The following COLQ variants were observed in gnomAD, a reference collection of about 807,000 sequenced individuals.
COLQ encodes acetylcholinesterase collagenic tail peptide.
A neutral mutation model predicts 69.0 loss-of-function variants in COLQ; 48 were observed. That is an observed-to-expected ratio of 0.70 (90% confidence interval 0.55 to 0.88). COLQ has a LOEUF of 0.88. Among genes scored for constraint, COLQ ranks in the 40% least tolerant of loss-of-function variants. The pLI, the probability that COLQ is intolerant of heterozygous loss-of-function variation, is 0.00. For missense variants in COLQ, 618 were observed against 594.6 expected (o/e 1.04, Z -0.41); for synonymous variants, 217 against 211.2 (o/e 1.03, Z -0.24).
chr3:15,518,888 G>A (rs1423218572), intron 1 of COLQ, among the ~76,000 whole-genome samples: 2 of 152,128 alleles, frequency 1.3e-5, no homozygotes, highest in Non-Finnish European at 2.9e-5. Context: ...ATAATGCATA[G>A]AATGAAAAGA....
intron 11 of COLQ, among the ~76,000 whole-genome samples, chr3:15,469,884 G>A (rs1031475152): frequency 1.3e-5 from 2 of 152,266 alleles, no homozygotes; most frequent in African/African-American, 2.4e-5. Context: ...ATAGCCTAAG[G>A]AAATAAGTAA....
intron 14 of COLQ, among the ~76,000 whole-genome samples, chr3:15,456,224 G>A (rs1011435175): frequency 9.5e-5 from 14 of 147,512 alleles, no homozygotes; most frequent in East Asian, 1.9e-4. Flanking sequence ...AACCTGGCAC[G>A]CAGGGATGTG....
chr3:15,490,439 C>T (rs2062646406), intron 1 of COLQ, among the ~76,000 whole-genome samples: 1 of 152,242 alleles, frequency 6.6e-6, no homozygotes, highest in South Asian at 2.1e-4. Context: ...CCAATCTCTG[C>T]ACCCCTTCCC....
At chr3:15,451,792 G>T in intron 16 of COLQ, 79 bp from the exon 17 acceptor site, 1 of 1,249,406 alleles carries the variant, frequency 8.0e-7, no homozygotes, top group Non-Finnish European at 1.2e-6. Flanking sequence ...TCAAACAGCG[G>T]CCAAGGGCCA....
chr3:15,483,730 T>C (rs1465105733), intron 3 of COLQ, among the ~76,000 whole-genome samples: 1 of 152,210 alleles, frequency 6.6e-6, no homozygotes, highest in Non-Finnish European at 1.5e-5. Flanking sequence ...CTGTTAGGTC[T>C]GCTTGGTGCA....
At chr3:15,477,815 A>T (rs1369655237) in intron 5 of COLQ, among the ~76,000 whole-genome samples, 4 of 152,130 alleles carry the variant, frequency 2.6e-5, no homozygotes. Flanking sequence ...ACCTGATACC[A>T]CACCTTTGCC....
chr3:15,475,579 GA>G, intron 6 of COLQ, 92 bp from the exon 7 acceptor site: 1 of 1,244,786 alleles, frequency 8.0e-7, no homozygotes, highest in Non-Finnish European at 1.1e-6. Flanking sequence ...AGGAACTGGG[GA>G]TATCAGGGCT....
rs541346417 is a variant in COLQ, at chr3:15,477,294, T to A, written c.394-97A>T. On this transcript the variant is annotated intron_variant, in intron 5 of 16. Transcript: ENST00000383788. Reference sequence around the variant, plus strand: ...CTGGGGCCCAGAGGAGACAGTGGGTTCTCTAGGCATGGCTACTATGACCCT... The same window carrying A: ...CTGGGGCCCAGAGGAGACAGTGGGTACTCTAGGCATGGCTACTATGACCCT... 1.2e-5 allele frequency: 13 copies of A among 1,102,064 alleles called. No individual in the cohort carries two copies. The African/African-American group carries it at 1.9e-4, about 16-fold the overall frequency. 68.3% of individuals were successfully genotyped at this position (1,102,064 alleles called of 1,614,324 possible).
At chr3:15,520,686 G>T (rs1406416589) in intron 1 of COLQ, among the ~76,000 whole-genome samples, 1 of 152,174 alleles carries the variant, frequency 6.6e-6, no homozygotes, top group African/African-American at 2.4e-5. Context: ...CCTCAGAAAG[G>T]TTTAAATAGG....
rs193201729 is a variant in COLQ at position 15,463,440 on chromosome 3, G to A, written c.814+2901C>T. Among the ~76,000 whole-genome samples, 272 of 151,828 alleles carry A rather than the reference G, an allele frequency of 1.8e-3. 3 individuals are homozygous for A. Among genetic ancestry groups the A allele is most frequent in the African/African-American group, 6.2e-3 (256 of 41,418 alleles). ...TGGCTTACTGCAAGCTCCGCCTCCC[G>A]GGTTCATGCCATTCTCCTGCCTCAG... is the stretch of plus-strand genomic sequence containing the variant. On this transcript the variant is annotated intron_variant, in intron 12 of 16. Transcript: ENST00000383788.
rs938407283 is a variant in COLQ, at chr3:15,468,332, T to G, written c.718-1895A>C. On this transcript the variant is annotated intron_variant, in intron 11 of 16. Coordinates refer to ENST00000383788, the MANE Select transcript of COLQ (RefSeq NM_005677.4). ...TCTCAGTTACTGAAGTTTTTTTTTT[T>G]TTTTTTTTTTTTTTTTGAGAGACGG... 7.1e-5 allele frequency among the ~76,000 whole-genome samples: 10 copies of G among 140,814 alleles called. 1 individual carries two copies. The highest frequency in any genetic ancestry group is 1.8e-4 in the African/African-American group (7 of 38,116). The allele number at this position is 140,814 out of a possible 152,430, so 92.4% of individuals were successfully genotyped here.
chr3:15,468,279 T>C (rs2062229858), intron 11 of COLQ, among the ~76,000 whole-genome samples: 1 of 150,664 alleles, frequency 6.6e-6, no homozygotes, highest in Non-Finnish European at 1.5e-5. Context: ...TGCCACAAAG[T>C]TGGGTGATCT....
At chr3:15,455,667 G>A (rs1464957783) in intron 15 of COLQ, among the ~76,000 whole-genome samples, 2 of 152,238 alleles carry the variant, frequency 1.3e-5, no homozygotes, top group East Asian at 1.9e-4. Flanking sequence ...CTAACTGGGG[G>A]CAGGATCCTT....
In COLQ at chr3:15,451,630, TCTC is replaced by T. The variant is rs1213048725; in HGVS notation, c.*11_*13del. 3.1e-6 allele frequency: 5 copies of T among 1,613,754 alleles called. No individual in the cohort carries two copies. The highest frequency in any genetic ancestry group is 1.7e-5 in the Admixed American group (1 of 60,032). On this transcript the variant is annotated 3_prime_UTR_variant, in exon 17 of 17. Coordinates refer to ENST00000383788, the MANE Select transcript of COLQ (RefSeq NM_005677.4). ...CAGTTCTGTGGGGCGCAGCCCACCT[TCTC>T]CTCACGGCCCTCAGGTGAAGTAGCG...
Position 15,475,067 on chromosome 3 carries a change from G to C in COLQ, c.529-116C>G, listed in dbSNP as rs2062356722. On this transcript the variant is annotated intron_variant, in intron 7 of 16. Coordinates refer to ENST00000383788, the MANE Select transcript of COLQ (RefSeq NM_005677.4). Reference sequence around the variant, plus strand: ...AAGGTATGTCTCCACATTGCACTGTGAGTTTTAGTGGGGTTGCAGCACCAA... The same window carrying C: ...AAGGTATGTCTCCACATTGCACTGTCAGTTTTAGTGGGGTTGCAGCACCAA... The C allele has an allele frequency of 1.1e-5, 13 of 1,130,994 alleles. No homozygotes were observed. In the East Asian group the frequency reaches 3.1e-4, roughly 27 times the overall value. The allele number at this position is 1,130,994 out of a possible 1,614,324, so 70.1% of individuals were successfully genotyped here. A position where few individuals can be genotyped will look rare whatever the true frequency, so the allele number is the denominator to read the frequency against.
At chr3:15,489,753 G>T in intron 1 of COLQ, 116 bp from the exon 2 acceptor site, 2 of 870,656 alleles carry the variant, frequency 2.3e-6, no homozygotes, top group Non-Finnish European at 3.8e-6. Flanking sequence ...CTAATTTCTA[G>T]CCTGTTAGAT....
intron 3 of COLQ, among the ~76,000 whole-genome samples, chr3:15,480,859 T>C (rs1204988968): frequency 1.3e-5 from 2 of 152,354 alleles, no homozygotes; most frequent in East Asian, 1.9e-4. Context: ...TCCTGACTTT[T>C]TAATGATCGC....
In COLQ at chr3:15,473,071, G is replaced by T. The variant is rs1426952876; in HGVS notation, c.636+929C>A. On this transcript the variant is annotated intron_variant, in intron 10 of 16. Transcript: ENST00000383788. The surrounding 1 kb of genome is among the most constrained non-coding windows in gnomAD (Gnocchi z 4.0). ...GAGATAGTACTATATTGCCCAAGCT[G>T]AGTATTTTTTTCTTTAAGTTACCTG... Among the ~76,000 whole-genome samples the T allele has an allele frequency of 6.6e-6, 1 of 151,580 alleles. No homozygotes were observed. The highest frequency in any genetic ancestry group is 1.5e-5 in the Non-Finnish European group (1 of 67,940).
Position 15,488,036 on chromosome 3 carries a change from T to C in COLQ, c.321+170A>G, listed in dbSNP as rs1983085. ...CAAGGATGGGAGGCCAGAATTTACCTAGCAAAGAGTCAGTGTTCTATCCAA... is the reference window on the plus strand; with the variant it reads ...CAAGGATGGGAGGCCAGAATTTACCCAGCAAAGAGTCAGTGTTCTATCCAA... On this transcript the variant is annotated intron_variant, in intron 3 of 16. Coordinates refer to ENST00000383788, the MANE Select transcript of COLQ (RefSeq NM_005677.4). Among the ~76,000 whole-genome samples the C allele has an allele frequency of 0.45, 67,779 of 152,064 alleles. 15,219 individuals are homozygous for C. The highest frequency in any genetic ancestry group is 0.52 in the East Asian group (2,700 of 5,170).
Sources: gnomAD v4.1 joint callset for allele counts (sites outside exome capture counted in the v4.1 genomes callset) on GRCh38, gnomAD v4.1.1 for gene constraint, Gnocchi (gnomAD v3.1) non-coding constraint, MANE v1.5 for transcripts, NCBI Gene and HGNC (gene_info 2026-07-23, HGNC 2026-07-21) for gene names.